The following PFKP variants were observed in gnomAD, a reference collection of about 807,000 sequenced individuals.
PFKP encodes the protein phosphofructokinase, platelet, also known as ATP-dependent 6-phosphofructokinase, platelet type.
A neutral mutation model predicts 94.3 loss-of-function variants in PFKP; 101 were observed. That is an observed-to-expected ratio of 1.07 (90% CI 0.91 to 1.26). The LOEUF is 1.26. Among genes scored for constraint, PFKP ranks in the 50% most tolerant of loss-of-function variants. The pLI, the probability that PFKP is intolerant of heterozygous loss-of-function variation, is 0.00. For missense variants in PFKP, 1,145 were observed against 1,103.3 expected (o/e 1.04, Z -0.53); for synonymous variants, 573 against 432.6 (o/e 1.32, Z -4.03).
chr10:3,107,244 A>G lies in PFKP; in HGVS notation c.805A>G (p.Ile269Val), dbSNP rs993401178. Reference sequence around the variant, plus strand: ...TGCCCGGAAAAAAAGGCTGAATATTATTATTGTGGCTGAAGGAGCAATTGA... The same window carrying G: ...TGCCCGGAAAAAAAGGCTGAATATTGTTATTGTGGCTGAAGGAGCAATTGA... ...NRARKKRLNI[I>V]IVAEGAIDTQ... Residue 269 changes from isoleucine to valine, a missense_variant, in exon 8 of 22, where the codon ATT (isoleucine) becomes GTT (valine). By Grantham distance (29) the Ile-to-Val change is conservative (BLOSUM62 3). Transcript: ENST00000381125. 1 of 1,611,770 alleles carries G rather than the reference A, an allele frequency of 6.2e-7. No individual in the cohort carries two copies. The highest frequency in any genetic ancestry group is 8.5e-7 in the Non-Finnish European group (1 of 1,178,548).
At position 3,113,529 on chromosome 10, in the gene PFKP, C is replaced by T; in HGVS notation, c.1371+11C>T. ...TTCGCCAAGGGCCAGGTGAGTCACC[C>T]AGGATGCCGTAGGCAGGCAGACACC... On this transcript the variant is annotated intron_variant, in intron 13 of 21. Coordinates refer to ENST00000381125, the MANE Select transcript of PFKP (RefSeq NM_002627.5). 1.2e-6 allele frequency: 2 copies of T among 1,610,496 alleles called. No homozygotes were observed. Among genetic ancestry groups the T allele is most frequent in the East Asian group, 2.2e-5 (1 of 44,874 alleles).
chr10:3,103,188 G>C (rs1037618495), intron 4 of PFKP, among the ~76,000 whole-genome samples: 1 of 152,216 alleles, frequency 6.6e-6, no homozygotes, highest in Non-Finnish European at 1.5e-5. Flanking sequence ...GAAGTACTGA[G>C]ATGTTTGTTT....
At chr10:3,069,359 G>T in intron 1 of PFKP, 1 of 1,590,030 alleles carries the variant, frequency 6.3e-7, no homozygotes, top group Non-Finnish European at 8.6e-7. Context: ...AGCCTGGCCC[G>T]CGTGACTTAA....
At chr10:3,079,456 G>C (rs923806356) in intron 1 of PFKP, among the ~76,000 whole-genome samples, 1 of 151,908 alleles carries the variant, frequency 6.6e-6, no homozygotes, top group African/African-American at 2.4e-5. Flanking sequence ...GGATGGTCTC[G>C]ATCTCCTGAC....
Position 3,099,289 on chromosome 10 carries a change from G to C in PFKP, c.201G>C (p.Met67Ile). 6.2e-7 allele frequency: 1 copy of C among 1,613,880 alleles called. No homozygotes were observed. Among genetic ancestry groups the C allele is most frequent in the Non-Finnish European group, 8.5e-7 (1 of 1,179,738 alleles). The change falls in exon 3 of 22, where the codon ATG becomes ATC. Residue 67 changes from methionine (M) to isoleucine (I), a missense_variant. This residue lies in a region of PFKP where 1,119 missense variants were observed against 1,062.8 expected (regional missense o/e 1.05). Transcript: ENST00000381125. ...VYFIYEGYQG[M>I]VDGGSNIAEA... is the part of the protein sequence containing the mutation. Reference sequence around the variant, plus strand: ...TTCTCCCCTAGGGCTACCAGGGCATGGTGGACGGAGGCTCAAACATCGCAG... The same window carrying C: ...TTCTCCCCTAGGGCTACCAGGGCATCGTGGACGGAGGCTCAAACATCGCAG...
At chr10:3,082,565 C>A in intron 2 of PFKP, 104 bp downstream of exon 2, 1 of 721,726 alleles carries the variant, frequency 1.4e-6, no homozygotes, top group Non-Finnish European at 2.2e-6. Flanking sequence ...TGAGCACAGC[C>A]GAAGAGGTGG....
At chr10:3,135,706 GT>G in intron 20 of PFKP, 29 bp from the exon 21 acceptor site, 2 of 1,358,032 alleles carry the variant, frequency 1.5e-6, no homozygotes, top group Non-Finnish European at 2.1e-6. Context: ...TTGACAGGGT[GT>G]TATTAATCTT....
chr10:3,119,781 C>CAA, intron 15 of PFKP, 111 bp from the exon 16 acceptor site: 1 of 709,476 alleles, frequency 1.4e-6, no homozygotes, highest in Non-Finnish European at 2.2e-6. Flanking sequence ...CGTGATGCCC[C>CAA]AGTGTGCTCC....
intron 2 of PFKP, among the ~76,000 whole-genome samples, chr10:3,093,889 C>A (rs138797953): frequency 2.6e-5 from 4 of 152,118 alleles, no homozygotes; most frequent in Non-Finnish European, 5.9e-5. Flanking sequence ...GTGATCCGCC[C>A]GCCTTGGCCT....
chr10:3,127,026 G>A (rs943702040), intron 16 of PFKP, among the ~76,000 whole-genome samples: 5 of 152,260 alleles, frequency 3.3e-5, no homozygotes, highest in East Asian at 3.9e-4. Flanking sequence ...AGGCACCTCC[G>A]TGCCACACTG....
intron 2 of PFKP, among the ~76,000 whole-genome samples, chr10:3,096,648 T>A (rs1834502030): frequency 7.8e-6 from 1 of 128,678 alleles, no homozygotes; most frequent in South Asian, 2.5e-4. Flanking sequence ...CTTCCTTGTT[T>A]CCTTGCCCCC....
chr10:3,084,151 C>T (rs1203650896), intron 2 of PFKP, among the ~76,000 whole-genome samples: 1 of 152,224 alleles, frequency 6.6e-6, no homozygotes, highest in African/African-American at 2.4e-5. Flanking sequence ...ATATCAGGCA[C>T]CGACTGAGCT....
intron 13 of PFKP, among the ~76,000 whole-genome samples, chr10:3,116,183 T>C (rs1241036468): frequency 6.6e-6 from 1 of 152,168 alleles, no homozygotes; most frequent in Non-Finnish European, 1.5e-5. Context: ...CCTTTTGATG[T>C]AGAATGATCT....
Position 3,132,437 on chromosome 10 carries a change from C to T in PFKP, c.1906C>T (p.Leu636Phe), listed in dbSNP as rs1433696181. 1.2e-6 allele frequency: 2 copies of T among 1,607,224 alleles called. No individual in the cohort carries two copies. Among genetic ancestry groups the T allele is most frequent in the South Asian group, 1.1e-5 (1 of 90,942 alleles). The change falls in exon 18 of 22, where the codon CTC becomes TTC. Residue 636 changes from leucine (L) to phenylalanine (F), a missense_variant. By Grantham distance (22) the Leu-to-Phe change is conservative. Coordinates refer to ENST00000381125, the MANE Select transcript of PFKP (RefSeq NM_002627.5). ...GACCACCATCCAGAGAGGCCTTGTG[C>T]TCAGGTGAGAGAGAGAGACCAGGGG... is the stretch of plus-strand genomic sequence containing the variant. ...MKTTIQRGLV[L>F]RNESCSENYT...
intron 10 of PFKP, among the ~76,000 whole-genome samples, chr10:3,110,983 C>CAT (rs201845139): frequency 0.016 from 2,405 of 149,372 alleles, 62 homozygotes; most frequent in African/African-American, 0.056. Flanking sequence ...TGTGTATATG[C>CAT]ATGTGTACAT....
In PFKP at chr10:3,113,241, A is replaced by G. The variant is rs1836440743; in HGVS notation, c.1224+53A>G. ...CGACCTCTCCTGCGGGCCTCCCCTC[A>G]TGGCCTCTGCCTCAGTGAATGAGGC... On this transcript the variant is annotated intron_variant, in intron 12 of 21. Transcript: ENST00000381125. 1.9e-6 allele frequency: 3 copies of G among 1,586,068 alleles called. No individual in the cohort carries two copies. The South Asian group carries it at 3.4e-5, about 18-fold the overall frequency.
chr10:3,067,666 GC>G lies in PFKP; in HGVS notation c.72del (p.Lys25ArgfsTer6). Reference protein sequence around the residue: ...RKFLEHLSGAGKAIGVLTSGG... With the variant: ...RKFLEHLSGAXKAIGVLTSGG... ...TTCCTGGAGCACCTCTCCGGGGCCG[GC>G]AAGGCCATCGGCGTGCTGACCAGCG... is the stretch of plus-strand genomic sequence containing the variant. On this transcript the variant is annotated frameshift_variant, in exon 1 of 22. Transcript: ENST00000381125. LOFTEE classifies it high-confidence loss of function. 6.5e-7 allele frequency: 1 copy of G among 1,532,862 alleles called. No homozygotes were observed. 95.0% of individuals were successfully genotyped at this position (1,532,862 alleles called of 1,614,324 possible).
intron 16 of PFKP, among the ~76,000 whole-genome samples, chr10:3,125,603 T>C (rs903137622): frequency 2.6e-5 from 4 of 152,114 alleles, no homozygotes; most frequent in Non-Finnish European, 4.4e-5. Context: ...GGGGTGTAAA[T>C]GCCCGGTAAG....
intron 2 of PFKP, among the ~76,000 whole-genome samples, chr10:3,092,453 G>A (rs1834119904): frequency 6.6e-6 from 1 of 152,082 alleles, no homozygotes; most frequent in Non-Finnish European, 1.5e-5. Context: ...AGGTTCCAGT[G>A]TTGATAGCGG....
Sources: allele counts gnomAD v4.1 joint callset (sites outside exome capture counted in the v4.1 genomes callset), GRCh38; gene constraint gnomAD v4.1.1; regional missense constraint gnomAD v4.1.1; transcripts MANE v1.5; gene names NCBI Gene and HGNC (gene_info 2026-07-23, HGNC 2026-07-21).